The following CSGALNACT2 variants were observed in gnomAD, a reference collection of about 807,000 sequenced individuals.
CSGALNACT2 encodes chondroitin sulfate N-acetylgalactosaminyltransferase 2, also known as beta 4 GalNAcT-2.
A neutral mutation model predicts 55.3 loss-of-function variants in CSGALNACT2; 35 were observed. The observed-to-expected ratio is 0.63, with a 90% CI of 0.48 to 0.84. The LOEUF (loss-of-function observed/expected upper bound fraction) is 0.84, where lower values mean the gene tolerates loss of function less well. Among genes scored for constraint, CSGALNACT2 ranks in the 40% least tolerant of loss-of-function variants. The pLI, the probability that CSGALNACT2 is intolerant of heterozygous loss-of-function variation, is 0.00. For missense variants in CSGALNACT2, 544 were observed against 657.5 expected, an observed-to-expected ratio of 0.83 and a Z score of 1.89; for synonymous variants, 196 against 224.9, an observed-to-expected ratio of 0.87 and a Z score of 1.15.
intron 2 of CSGALNACT2, 134 bp from the exon 3 acceptor site, chr10:43,158,581 T>C (rs2133118766): frequency 1.7e-6 from 1 of 603,046 alleles, no homozygotes; most frequent in South Asian, 2.1e-5. Context: ...TGGGGATAAG[T>C]ATTTTCACAA....
chr10:43,175,741 A>G (rs1258186301), intron 6 of CSGALNACT2, among the ~76,000 whole-genome samples: 1 of 152,240 alleles, frequency 6.6e-6, no homozygotes, highest in Non-Finnish European at 1.5e-5. Context: ...AATGATAATT[A>G]GTAACCTCAG....
chr10:43,172,522 C>T, intron 6 of CSGALNACT2, among the ~76,000 whole-genome samples: 1 of 152,170 alleles, frequency 6.6e-6, no homozygotes, highest in South Asian at 2.1e-4. Context: ...GAGTGCCTGT[C>T]CAAGTACACA....
In CSGALNACT2 at chr10:43,155,672, G is replaced by A. The variant is rs779446866; in HGVS notation, c.523G>A (p.Asp175Asn). ...RHPEEKPVRK[D>N]KRDELVEVIE... ...TCCTGAAGAAAAGCCAGTTAGAAAAGACAAACGAGATGAATTGGTGGAAGT... is the reference window on the plus strand; with the variant it reads ...TCCTGAAGAAAAGCCAGTTAGAAAAAACAAACGAGATGAATTGGTGGAAGT... The change falls in exon 2 of 8, where the codon GAC becomes AAC. Residue 175 changes from aspartate to asparagine, a missense_variant. Coordinates refer to ENST00000374466, the MANE Select transcript of CSGALNACT2 (RefSeq NM_018590.5). The A allele has an allele frequency of 3.1e-6, 5 of 1,614,180 alleles. No individual in the cohort carries two copies. Among genetic ancestry groups the A allele is most frequent in the Non-Finnish European group, 4.2e-6 (5 of 1,180,028 alleles).
intron 1 of CSGALNACT2, among the ~76,000 whole-genome samples, chr10:43,154,396 T>C (rs1351138228): frequency 6.6e-6 from 1 of 152,230 alleles, no homozygotes; most frequent in Non-Finnish European, 1.5e-5. Flanking sequence ...GACATAATAG[T>C]TAAAAGTATT....
intron 1 of CSGALNACT2, among the ~76,000 whole-genome samples, chr10:43,139,048 G>A (rs755357556): frequency 1.6e-4 from 24 of 152,178 alleles, no homozygotes; most frequent in Non-Finnish European, 2.9e-4. Context: ...AGCAACGCAG[G>A]AAGCACGACA....
At chr10:43,140,535 T>C (rs982133676) in intron 1 of CSGALNACT2, among the ~76,000 whole-genome samples, 5 of 152,258 alleles carry the variant, frequency 3.3e-5, no homozygotes, top group Non-Finnish European at 7.3e-5. Flanking sequence ...CGGACTGTCA[T>C]TGTTTGTTTA....
intron 7 of CSGALNACT2, among the ~76,000 whole-genome samples, chr10:43,179,361 ACTGATTT>A (rs1347541153): frequency 6.7e-6 from 1 of 148,198 alleles, no homozygotes; most frequent in African/African-American, 2.5e-5. Context: ...AACTCTGGAT[ACTGATTT>A]CCCTCTACCA....
chr10:43,143,957 A>G (rs1203000046), intron 1 of CSGALNACT2, among the ~76,000 whole-genome samples: 1 of 152,240 alleles, frequency 6.6e-6, no homozygotes, highest in African/African-American at 2.4e-5. Flanking sequence ...CAAGTAATCA[A>G]GAACTTATCA....
At chr10:43,175,357 C>T (rs7092548) in intron 6 of CSGALNACT2, among the ~76,000 whole-genome samples, 27,554 of 152,156 alleles carry the variant, frequency 0.18, 2,692 homozygotes, top group Admixed American at 0.25. Flanking sequence ...CTTAGAAGAA[C>T]GAAGGAGCTT....
At chr10:43,179,841 T>C (rs1274709102) in intron 7 of CSGALNACT2, among the ~76,000 whole-genome samples, 1 of 152,232 alleles carries the variant, frequency 6.6e-6, no homozygotes, top group Non-Finnish European at 1.5e-5. Flanking sequence ...CTTAATTGCT[T>C]ACTACCAAAA....
intron 1 of CSGALNACT2, among the ~76,000 whole-genome samples, chr10:43,145,410 CTTTTTTTTTTTT>C (rs71016727): frequency 2.0e-5 from 2 of 99,402 alleles, no homozygotes; most frequent in East Asian, 6.4e-4. Context: ...TTGTTTGTTT[CTTTTTTTTTTTT>C]TTTTTTTTTT....
intron 6 of CSGALNACT2, among the ~76,000 whole-genome samples, chr10:43,171,584 C>T (rs1564519386): frequency 6.6e-6 from 1 of 152,162 alleles, no homozygotes; most frequent in Non-Finnish European, 1.5e-5. Context: ...AACTCCTGAC[C>T]TTGTGATCTG....
rs1838985774 is a variant in CSGALNACT2 at position 43,155,567 on chromosome 10, C to T, written c.418C>T (p.Pro140Ser). ...KAEVSIGAKL[P>S]SEYGVIPFES... ...TGAAGTTAGCATAGGGGCCAAACTA[C>T]CCAGTGAGTATGGGGTCATTCCCTT... is the stretch of plus-strand genomic sequence containing the variant. Residue 140 changes from proline (P) to serine (S), a missense_variant, in exon 2 of 8, where the codon CCC becomes TCC. By Grantham distance (74) the Pro-to-Ser change is moderately conservative. This residue lies in a region of CSGALNACT2 where 374 missense variants were observed against 401.3 expected (regional missense o/e 0.93). Coordinates refer to ENST00000374466, the MANE Select transcript of CSGALNACT2 (RefSeq NM_018590.5). 2.5e-6 allele frequency: 4 copies of T among 1,614,158 alleles called. No homozygotes were observed. In the East Asian group the frequency reaches 6.7e-5, roughly 27 times the overall value.
chr10:43,168,137 T>C (rs1465802877), intron 6 of CSGALNACT2, among the ~76,000 whole-genome samples: 1 of 152,190 alleles, frequency 6.6e-6, no homozygotes, highest in African/African-American at 2.4e-5. Context: ...GCTAAGTTCA[T>C]GTTAGTATTT....
intron 7 of CSGALNACT2, among the ~76,000 whole-genome samples, chr10:43,182,225 G>T (rs1436703408): frequency 6.6e-6 from 1 of 151,980 alleles, no homozygotes; most frequent in Non-Finnish European, 1.5e-5. Context: ...GGTCCAGTCA[G>T]TTCTTCTTAA....
Position 43,183,424 on chromosome 10 carries a change from A to G in CSGALNACT2, c.1511A>G (p.Gln504Arg). 1 of 1,614,238 alleles carries G rather than the reference A, an allele frequency of 6.2e-7. No individual in the cohort carries two copies. The highest frequency in any genetic ancestry group is 8.5e-7 in the Non-Finnish European group (1 of 1,180,048). ...CCCGAGCAGTACCGCATGTGCATCC[A>G]GTCTAAAGCCATGAATGAGGCCTCT... ...LTPEQYRMCI[Q>R]SKAMNEASHS... The change falls in exon 8 of 8, where the codon CAG becomes CGG. Residue 504 changes from glutamine (Q) to arginine (R), a missense_variant. Transcript: ENST00000374466.
At chr10:43,165,760 G>A (rs1839251603) in intron 5 of CSGALNACT2, among the ~76,000 whole-genome samples, 1 of 152,226 alleles carries the variant, frequency 6.6e-6, no homozygotes, top group Non-Finnish European at 1.5e-5. Context: ...GGAGGCCGAG[G>A]CAGGCGGATC....
chr10:43,171,936 C>T (rs575329045), intron 6 of CSGALNACT2, among the ~76,000 whole-genome samples: 2 of 152,276 alleles, frequency 1.3e-5, no homozygotes, highest in Admixed American at 6.5e-5. Context: ...GTCAGCCTTA[C>T]TAGGAATAAT....
At position 43,140,312 on chromosome 10, in the gene CSGALNACT2, T is replaced by TA. The variant is rs1415196007; in HGVS notation, c.-254+1746dup. Among the ~76,000 whole-genome samples, 4 of 152,284 alleles carry TA rather than the reference T, an allele frequency of 2.6e-5. No individual in the cohort carries two copies. In the East Asian group the frequency reaches 7.7e-4, roughly 29 times the overall value. On this transcript the variant is annotated intron_variant, in intron 1 of 7. Coordinates refer to ENST00000374466, the MANE Select transcript of CSGALNACT2 (RefSeq NM_018590.5). ...CAGAAAATTACCAACATGGAGTCAT[T>TA]ACCAACCATACCATTACCAACCAAA...
Sources: gnomAD v4.1 joint callset for allele counts (sites outside exome capture counted in the v4.1 genomes callset) on GRCh38, gnomAD v4.1.1 for gene constraint, gnomAD v4.1.1 regional missense constraint, MANE v1.5 for transcripts, NCBI Gene and HGNC (gene_info 2026-07-23, HGNC 2026-07-21) for gene names.